Variants in KLRG1 observed in about 807,000 individuals in gnomAD.
The protein encoded by KLRG1 is killer cell lectin-like receptor subfamily G member 1.
KLRG1 carries 16 observed loss-of-function variants against 21.8 expected under a neutral mutation model. That is an observed-to-expected ratio of 0.73 (90% CI 0.50 to 1.11). KLRG1 has a LOEUF of 1.11. KLRG1 is among the 50% of genes most tolerant of loss of function. KLRG1 has a pLI of 0.00. For missense variants in KLRG1, 173 were observed against 218.3 expected, an observed-to-expected ratio of 0.79 and a Z score of 1.31; for synonymous variants, 69 against 75.9, an observed-to-expected ratio of 0.91 and a Z score of 0.47.
the KLRG1 span, chr12:9,028,652 C>T: frequency 2.5e-6 from 1 of 396,894 alleles, no homozygotes; most frequent in Non-Finnish European, 4.8e-6. Flanking sequence ...CCATTTTGTC[C>T]AGGATGGTTT....
intron 1 of KLRG1, among the ~76,000 whole-genome samples, chr12:8,978,845 C>G (rs1447492985): frequency 1.3e-5 from 2 of 150,306 alleles, no homozygotes; most frequent in African/African-American, 4.9e-5. Context: ...CTCCTGAGTA[C>G]CTGGGGCTAC....
the KLRG1 span, chr12:9,115,433 G>A: frequency 2.7e-5 from 5 of 187,662 alleles, no homozygotes; most frequent in Non-Finnish European, 2.2e-5. Context: ...ATAGAAAATG[G>A]ACCCTTGAGA....
the KLRG1 span, among the ~76,000 whole-genome samples, chr12:9,097,327 C>T: frequency 6.6e-6 from 1 of 151,968 alleles, no homozygotes; most frequent in African/African-American, 2.4e-5. Context: ...ATAAATTTCT[C>T]TTTGTTAAAT....
the KLRG1 span, chr12:9,079,847 G>T: frequency 6.6e-7 from 1 of 1,511,432 alleles, no homozygotes; most frequent in Non-Finnish European, 8.9e-7. Context: ...AAGTCATAAA[G>T]CTTGGAGATT....
chr12:8,980,686 C>G (rs1311403964), intron 1 of KLRG1, among the ~76,000 whole-genome samples: 1 of 152,160 alleles, frequency 6.6e-6, no homozygotes, highest in Non-Finnish European at 1.5e-5. Context: ...AAATAAGCAG[C>G]ATTCATCCTG....
intron 1 of KLRG1, among the ~76,000 whole-genome samples, chr12:8,955,320 C>T (rs929692524): frequency 2.0e-5 from 3 of 146,540 alleles, no homozygotes; most frequent in Non-Finnish European, 4.5e-5. Context: ...AAGAAAATTT[C>T]CTCATGCTCC....
chr12:9,059,996 C>CTTTCTTTTTTT, the KLRG1 span, among the ~76,000 whole-genome samples: 1 of 75,568 alleles, frequency 1.3e-5, no homozygotes, highest in African/African-American at 5.4e-5. Flanking sequence ...GCCCTGGCAT[C>CTTTCTTTTTTT]TTTTTTTTTT....
chr12:9,084,634 C>G, the KLRG1 span, among the ~76,000 whole-genome samples: 1 of 151,980 alleles, frequency 6.6e-6, no homozygotes, highest in Non-Finnish European at 1.5e-5. Context: ...AGAAGCAAAA[C>G]AACCAGAAAA....
chr12:9,192,466 T>C, the KLRG1 span: 2 of 1,548,748 alleles, frequency 1.3e-6, no homozygotes, highest in Non-Finnish European at 1.8e-6. Flanking sequence ...TGACCACTTT[T>C]GTCCTACTGA....
chr12:9,077,227 G>A, the KLRG1 span: 5,473 of 987,332 alleles, frequency 5.5e-3, 28 homozygotes, highest in Non-Finnish European at 6.6e-3. Context: ...GGAAGCACTG[G>A]CATTGCATAG....
the KLRG1 span, among the ~76,000 whole-genome samples, chr12:9,154,236 G>A: frequency 1.3e-5 from 2 of 152,172 alleles, no homozygotes; most frequent in Admixed American, 6.5e-5. Flanking sequence ...ATCTAATGGG[G>A]AGAGGCCAGG....
At chr12:9,112,168 C>A in the KLRG1 span, 3 of 1,613,720 alleles carry the variant, frequency 1.9e-6, no homozygotes, top group East Asian at 4.5e-5. Context: ...CCAACTCATT[C>A]AGGGGGTGAA....
the KLRG1 span, among the ~76,000 whole-genome samples, chr12:9,132,314 C>G: frequency 2.0e-5 from 3 of 152,138 alleles, no homozygotes; most frequent in African/African-American, 7.2e-5. Flanking sequence ...CCAGCTGATA[C>G]AAAATATTTT....
At chr12:9,079,239 C>G in the KLRG1 span, 2 of 1,612,326 alleles carry the variant, frequency 1.2e-6, no homozygotes, top group Non-Finnish European at 1.7e-6. Flanking sequence ...TTGTTCTTTC[C>G]TTACCAGGTG....
the KLRG1 span, among the ~76,000 whole-genome samples, chr12:9,164,731 A>G: frequency 3.3e-5 from 5 of 152,246 alleles, no homozygotes; most frequent in Non-Finnish European, 7.3e-5. Context: ...CCACTATTAC[A>G]TAATTTACAA....
chr12:9,115,528 C>T, the KLRG1 span: 1 of 404,218 alleles, frequency 2.5e-6, no homozygotes, highest in African/African-American at 2.0e-5. Context: ...TTTTAAAAAG[C>T]TAAAAATTTC....
the KLRG1 span, chr12:9,052,835 T>G: frequency 5.5e-5 from 25 of 455,502 alleles, no homozygotes; most frequent in African/African-American, 5.0e-4. Flanking sequence ...AGGATAAAAT[T>G]ACCTAATACC....
the KLRG1 span, chr12:9,077,637 T>C: frequency 1.3e-6 from 2 of 1,586,026 alleles, no homozygotes; most frequent in South Asian, 2.3e-5. Flanking sequence ...ACATTATCAC[T>C]TCCTATCCTC....
chr12:9,197,154 G>A, the KLRG1 span: 2 of 1,460,060 alleles, frequency 1.4e-6, no homozygotes, highest in African/African-American at 1.4e-5. Flanking sequence ...CAGGAATTGA[G>A]AATGGCTGTT....
Sources: allele counts gnomAD v4.1 joint callset (sites outside exome capture counted in the v4.1 genomes callset), GRCh38; gene constraint gnomAD v4.1.1; transcripts MANE v1.5; gene names NCBI Gene and HGNC (gene_info 2026-07-23, HGNC 2026-07-21).